The following CNGB1 variants were observed in gnomAD, a reference collection of about 807,000 sequenced individuals.
CNGB1 encodes cyclic nucleotide gated channel subunit beta 1.
In CNGB1, 126 loss-of-function variants were observed where a neutral mutation model predicts 151.7. The ratio of observed to expected loss-of-function variants is 0.83; its 90% CI spans 0.72 to 0.96. CNGB1 has a LOEUF of 0.96. Ranked by LOEUF, CNGB1 falls within the 40% of genes least tolerant of loss-of-function variation. CNGB1 has a pLI of 0.00. For synonymous variants in CNGB1, 623 were observed against 635.1 expected (o/e 0.98, Z 0.29); for missense variants, 1,698 against 1,627.0 (o/e 1.04, Z -0.75).
chr16:57,960,905 G>T lies in CNGB1; in HGVS notation c.469C>A (p.Arg157=), dbSNP rs775590206. The T allele has an allele frequency of 4.3e-6, 7 of 1,614,008 alleles. No homozygotes were observed. Among genetic ancestry groups the T allele is most frequent in the Non-Finnish European group, 5.9e-6 (7 of 1,180,012 alleles). ...TTCTGCTCCAGCCACAGAAGCAGCCGCAGCCCAGGCCTGCAGAGGGGCCAG... is the reference window on the plus strand; with the variant it reads ...TTCTGCTCCAGCCACAGAAGCAGCCTCAGCCCAGGCCTGCAGAGGGGCCAG... ...LEAQDTRPGL[R]LLLWLEQNLE... The change falls in exon 8 of 33, where the codon CGG becomes AGG. Residue 157 remains arginine, a synonymous_variant. Coordinates refer to ENST00000251102, the MANE Select transcript of CNGB1 (RefSeq NM_001297.5).
At chr16:57,887,726 C>A in intron 32 of CNGB1, 129 bp downstream of exon 32, 1 of 907,238 alleles carries the variant, frequency 1.1e-6, no homozygotes, top group Admixed American at 1.9e-5. Flanking sequence ...ACCAAATGAG[C>A]CCTGACTGAT....
intron 27 of CNGB1, 78 bp from the exon 28 acceptor site, chr16:57,901,703 T>C: frequency 2.5e-6 from 3 of 1,178,476 alleles, no homozygotes; most frequent in Non-Finnish European, 3.7e-6. Flanking sequence ...AGTGCCCACC[T>C]ACTGGCTCAC....
chr16:57,897,320 A>T, intron 31 of CNGB1, 77 bp downstream of exon 31: 374 of 1,242,946 alleles, frequency 3.0e-4, no homozygotes, highest in Middle Eastern at 4.6e-4. Flanking sequence ...AAAAAAAAAG[A>T]TAAAGGTACT....
chr16:57,919,735 C>T (rs935577930), intron 19 of CNGB1, among the ~76,000 whole-genome samples: 1 of 152,100 alleles, frequency 6.6e-6, no homozygotes, highest in East Asian at 1.9e-4. Context: ...AAACAGAGAC[C>T]AGATGGGATC....
At chr16:57,967,362 T>C in intron 1 of CNGB1, 68 bp from the exon 2 acceptor site, 2 of 1,477,476 alleles carry the variant, frequency 1.4e-6, no homozygotes, top group Non-Finnish European at 1.9e-6. Context: ...TATGGGCCAC[T>C]CTTATGAGTT....
chr16:57,897,930 G>T lies in CNGB1; in HGVS notation c.2977-16C>A. The T allele has an allele frequency of 6.2e-7, 1 of 1,612,482 alleles. No homozygotes were observed. The highest frequency in any genetic ancestry group is 1.1e-5 in the South Asian group (1 of 91,054). On this transcript the variant is annotated splice_polypyrimidine_tract_variant and intron_variant, in intron 29 of 32. Coordinates refer to ENST00000251102, the MANE Select transcript of CNGB1 (RefSeq NM_001297.5). ...CGATCTCCCCCTGAAACAAAGAAGT[G>T]ACAAGTCCCTCTGTTCATCCCCCAA...
At chr16:57,951,986 C>G (rs1364467539) in intron 12 of CNGB1, among the ~76,000 whole-genome samples, 1 of 152,172 alleles carries the variant, frequency 6.6e-6, no homozygotes, top group Non-Finnish European at 1.5e-5. Context: ...TGGGGTTTGG[C>G]CAGGGAGGCT....
chr16:57,934,306 G>C (rs1293710017), intron 16 of CNGB1, among the ~76,000 whole-genome samples: 3 of 152,104 alleles, frequency 2.0e-5, no homozygotes, highest in Non-Finnish European at 4.4e-5. Flanking sequence ...AAATCGGCTG[G>C]TCACAGTGTT....
intron 16 of CNGB1, among the ~76,000 whole-genome samples, chr16:57,937,580 G>A (rs1176135797): frequency 6.6e-6 from 1 of 152,116 alleles, no homozygotes; most frequent in Non-Finnish European, 1.5e-5. Context: ...AACTTCCCAT[G>A]CTCCCTCCAC....
intron 1 of CNGB1, among the ~76,000 whole-genome samples, chr16:57,969,853 G>A (rs1270655430): frequency 2.0e-4 from 31 of 152,174 alleles, no homozygotes; most frequent in Non-Finnish European, 7.3e-5. Context: ...AGCCCTAGAT[G>A]TGTTCTTGCC....
intron 1 of CNGB1, among the ~76,000 whole-genome samples, chr16:57,967,881 G>T (rs1033181843): frequency 6.6e-6 from 1 of 152,078 alleles, no homozygotes; most frequent in Admixed American, 6.5e-5. Flanking sequence ...TTGCAACAAT[G>T]TTATAGCAAA....
chr16:57,940,467 G>T, intron 14 of CNGB1, 146 bp from the exon 15 acceptor site: 1 of 713,342 alleles, frequency 1.4e-6, no homozygotes, highest in Non-Finnish European at 2.4e-6. Context: ...GGAGCCTCCA[G>T]GGCAGTGTCC....
At position 57,887,898 on chromosome 16, in the gene CNGB1, G is replaced by A. The variant is rs774214610; in HGVS notation, c.3419C>T (p.Ala1140Val). 11 of 1,614,170 alleles carry A rather than the reference G, an allele frequency of 6.8e-6. No individual in the cohort carries two copies. Among genetic ancestry groups the A allele is most frequent in the Middle Eastern group, 1.6e-4 (1 of 6,062 alleles). ...CTGCTTTGCAGCCGCCTCCAGCGCGGCCAGTTCTTTGAGCCGGGCCCGGAG... is the reference window on the plus strand; with the variant it reads ...CTGCTTTGCAGCCGCCTCCAGCGCGACCAGTTCTTTGAGCCGGGCCCGGAG... ...AHLRARLKELAALEAAAKQQE... is the reference protein window; with the variant it reads ...AHLRARLKELVALEAAAKQQE... Residue 1140 changes from alanine to valine, a missense_variant, in exon 32 of 33, where the codon GCC becomes GTC. Coordinates refer to ENST00000251102, the MANE Select transcript of CNGB1 (RefSeq NM_001297.5).
At chr16:57,902,037 CTGTT>C (rs1301022099) in intron 27 of CNGB1, among the ~76,000 whole-genome samples, 1 of 151,888 alleles carries the variant, frequency 6.6e-6, no homozygotes, top group Non-Finnish European at 1.5e-5. Flanking sequence ...AGCCAGGCAC[CTGTT>C]TTTTTTGTTG....
chr16:57,931,763 G>A lies in CNGB1; in HGVS notation c.1488C>T (p.Ala496=). The part of the protein sequence containing the change: ...PSTVLPPPSP[A]KSDTLIVPSS... ...TTGGGACTATAAGGGTGTCTGATTT[G>A]GCAGGAGACGGTGGCGGCAACACGG... Residue 496 remains alanine, a synonymous_variant, in exon 17 of 33, where the codon GCC becomes GCT. Transcript: ENST00000251102. 2.5e-6 allele frequency: 4 copies of A among 1,614,168 alleles called. No individual in the cohort carries two copies. The South Asian group carries it at 3.3e-5, about 13-fold the overall frequency.
intron 7 of CNGB1, 102 bp downstream of exon 7, chr16:57,962,463 G>A (rs1416793668): frequency 4.8e-6 from 5 of 1,042,148 alleles, no homozygotes; most frequent in Non-Finnish European, 7.6e-6. Context: ...CATGTCCAAG[G>A]TCACACCCTG....
At chr16:57,929,434 T>TGA (rs149439991) in intron 17 of CNGB1, among the ~76,000 whole-genome samples, 47 of 116,490 alleles carry the variant, frequency 4.0e-4, no homozygotes, top group South Asian at 1.4e-3. Context: ...TACACAGCAG[T>TGA]GAGAGAGAGA....
rs528554508 is a variant in CNGB1, at chr16:57,918,984, G to T, written c.1957+115C>A. On this transcript the variant is annotated intron_variant, in intron 20 of 32. Transcript: ENST00000251102. ...AAGGTATAAAAGATCATGAACCCAGGTTGTCTGTGGCCTCCCATCCCACCT... is the reference window on the plus strand; with the variant it reads ...AAGGTATAAAAGATCATGAACCCAGTTTGTCTGTGGCCTCCCATCCCACCT... The T allele has an allele frequency of 4.2e-5, 66 of 1,555,692 alleles. No individual in the cohort carries two copies. The African/African-American group carries it at 8.3e-4, about 19-fold the overall frequency.
intron 25 of CNGB1, among the ~76,000 whole-genome samples, chr16:57,905,713 G>T (rs1960531862): frequency 6.6e-6 from 1 of 152,244 alleles, no homozygotes; most frequent in African/African-American, 2.4e-5. Context: ...AGGTTCTGGT[G>T]GAGGGTTTCC....
Sources: allele counts gnomAD v4.1 joint callset (sites outside exome capture counted in the v4.1 genomes callset), GRCh38; gene constraint gnomAD v4.1.1; transcripts MANE v1.5; gene names NCBI Gene and HGNC (gene_info 2026-07-23, HGNC 2026-07-21).